Variants in DACH1 observed in about 807,000 individuals in gnomAD.
The protein encoded by DACH1 is dachshund family transcription factor 1.
Under a neutral mutation model 54.2 loss-of-function variants are expected in DACH1, and 12 were observed. The ratio of observed to expected loss-of-function variants is 0.22; its 90% CI spans 0.14 to 0.36. The LOEUF is 0.36. DACH1 is among the 10% of genes least tolerant of loss of function. The pLI, the probability that DACH1 is intolerant of heterozygous loss-of-function variation, is 1.00. For synonymous variants in DACH1, 386 were observed against 366.2 expected, an observed-to-expected ratio of 1.05 and a Z score of -0.62; for missense variants, 805 against 929.8, an observed-to-expected ratio of 0.87 and a Z score of 1.75.
At chr13:71,795,547 T>C (rs1594231741) in intron 1 of DACH1, among the ~76,000 whole-genome samples, 1 of 152,322 alleles carries the variant, frequency 6.6e-6, no homozygotes, top group Admixed American at 6.5e-5. Context: ...TGGAGTCAGA[T>C]TCCTCCAAAT....
chr13:71,607,139 A>G (rs1874936479), intron 3 of DACH1, among the ~76,000 whole-genome samples: 1 of 152,038 alleles, frequency 6.6e-6, no homozygotes, highest in African/African-American at 2.4e-5. Context: ...ACTACACATT[A>G]CAGGATATAA....
At chr13:71,637,217 C>T (rs1877554376) in intron 2 of DACH1, among the ~76,000 whole-genome samples, 1 of 152,094 alleles carries the variant, frequency 6.6e-6, no homozygotes, top group South Asian at 2.1e-4. Context: ...TCAAAATTTT[C>T]ATCTCTAAAC....
In DACH1 at chr13:71,590,370, C is replaced by CTTTGT. The variant is rs1873609087; in HGVS notation, c.1127-17359_1127-17358insACAAA. On this transcript the variant is annotated intron_variant, in intron 3 of 10. Transcript: ENST00000613252. ...CATATCTTAATAAAGGAAAGCCTTG[C>CTTTGT]TTTGACAAGGTAGATGGGAATTCTT... 5.9e-5 allele frequency among the ~76,000 whole-genome samples: 9 copies of CTTTGT among 152,196 alleles called. No homozygotes were observed. The South Asian group carries it at 1.9e-3, about 32-fold the overall frequency.
At chr13:71,830,015 G>A (rs999813798) in intron 1 of DACH1, among the ~76,000 whole-genome samples, 10 of 151,768 alleles carry the variant, frequency 6.6e-5, no homozygotes, top group Non-Finnish European at 5.9e-5. Flanking sequence ...TAGAGGAGTA[G>A]TTCCACTATA....
At chr13:71,742,798 G>T (rs943946202) in intron 1 of DACH1, among the ~76,000 whole-genome samples, 1 of 151,932 alleles carries the variant, frequency 6.6e-6, no homozygotes, top group African/African-American at 2.4e-5. Flanking sequence ...AGTTTGCAGA[G>T]GGATCAGTAT....
At chr13:71,737,716 T>C (rs1048351244) in intron 1 of DACH1, among the ~76,000 whole-genome samples, 12 of 152,184 alleles carry the variant, frequency 7.9e-5, no homozygotes, top group Admixed American at 7.2e-4. Flanking sequence ...AGAAGATTCA[T>C]TTGTCCTAAA....
intron 1 of DACH1, among the ~76,000 whole-genome samples, chr13:71,723,948 C>T (rs1276251180): frequency 6.6e-6 from 1 of 152,138 alleles, no homozygotes; most frequent in African/African-American, 2.4e-5. Flanking sequence ...ACCTCGGCCT[C>T]CCAAATTGCT....
At chr13:71,711,626 A>G (rs1028641808) in intron 1 of DACH1, among the ~76,000 whole-genome samples, 1 of 152,170 alleles carries the variant, frequency 6.6e-6, no homozygotes, top group Non-Finnish European at 1.5e-5. Flanking sequence ...AATCATTTGT[A>G]ATCAAACCAG....
intron 3 of DACH1, among the ~76,000 whole-genome samples, chr13:71,600,615 A>G (rs1286917213): frequency 1.3e-5 from 2 of 151,990 alleles, no homozygotes; most frequent in East Asian, 1.9e-4. Context: ...AATAAAAATC[A>G]AGGATCCACT....
chr13:71,807,419 C>CAAAAAAAAAAAAAAAAAAAAAAAAAA, intron 1 of DACH1, among the ~76,000 whole-genome samples: 1 of 99,722 alleles, frequency 1.0e-5, no homozygotes. Context: ...TCACAGATTG[C>CAAAAAAAAAAAAAAAAAAAAAAAAAA]AAAAAAAAAA....
intron 1 of DACH1, among the ~76,000 whole-genome samples, chr13:71,785,874 C>T (rs1886571201): frequency 6.6e-6 from 1 of 152,146 alleles, no homozygotes; most frequent in Non-Finnish European, 1.5e-5. Flanking sequence ...ACTGTCTACT[C>T]AACTATGCAT....
chr13:71,441,112 G>A (rs1177833828), intron 10 of DACH1, among the ~76,000 whole-genome samples: 1 of 152,014 alleles, frequency 6.6e-6, no homozygotes, highest in Non-Finnish European at 1.5e-5. Flanking sequence ...TTACTCTTTA[G>A]CAGTGTTGTT....
chr13:71,543,550 G>A (rs1403259392), intron 6 of DACH1, among the ~76,000 whole-genome samples: 1 of 152,066 alleles, frequency 6.6e-6, no homozygotes, highest in Non-Finnish European at 1.5e-5. Context: ...TAGACAATGA[G>A]AACTAACATG....
chr13:71,834,729 A>G (rs1888717637), intron 1 of DACH1, among the ~76,000 whole-genome samples: 2 of 152,006 alleles, frequency 1.3e-5, no homozygotes, highest in South Asian at 4.1e-4. Context: ...TCGTTTTCCC[A>G]TTTCAAAAAT....
chr13:71,541,265 T>C (rs1057321732), intron 6 of DACH1, among the ~76,000 whole-genome samples: 1 of 152,068 alleles, frequency 6.6e-6, no homozygotes, highest in Non-Finnish European at 1.5e-5. Context: ...CAAAGAAATA[T>C]TGCTTCCTTG....
intron 3 of DACH1, among the ~76,000 whole-genome samples, chr13:71,581,835 G>A (rs1318184421): frequency 2.0e-5 from 3 of 151,984 alleles, no homozygotes; most frequent in Non-Finnish European, 4.4e-5. Context: ...TCCTAACTCT[G>A]AATTCACAAT....
At chr13:71,717,690 A>G (rs115631758) in intron 1 of DACH1, among the ~76,000 whole-genome samples, 2,665 of 152,204 alleles carry the variant, frequency 0.018, 67 homozygotes, top group African/African-American at 0.053. Flanking sequence ...GATGGAAAAA[A>G]AAATCTAGTT....
chr13:71,731,361 G>A (rs1164743527), intron 1 of DACH1, among the ~76,000 whole-genome samples: 3 of 146,470 alleles, frequency 2.0e-5, no homozygotes, highest in Non-Finnish European at 4.5e-5. Context: ...GCACCATCTC[G>A]GCTCACTGCA....
intron 1 of DACH1, among the ~76,000 whole-genome samples, chr13:71,780,813 T>C (rs146303975): frequency 1.1e-4 from 16 of 152,160 alleles, no homozygotes; most frequent in Middle Eastern, 3.2e-3. Flanking sequence ...TTACACTCCC[T>C]GAATAGTGAA....
Sources: gnomAD v4.1 joint callset for allele counts (sites outside exome capture counted in the v4.1 genomes callset) on GRCh38, gnomAD v4.1.1 for gene constraint, MANE v1.5 for transcripts, NCBI Gene and HGNC (gene_info 2026-07-23, HGNC 2026-07-21) for gene names.